Variants in SYT14 observed in about 807,000 individuals in gnomAD.
SYT14 encodes the protein synaptotagmin-14.
In SYT14, 32 loss-of-function variants were observed where a neutral mutation model predicts 74.2. That is an observed-to-expected ratio of 0.43 (90% CI 0.33 to 0.58). SYT14 has a LOEUF of 0.58. Ranked by LOEUF, SYT14 falls within the 20% of genes least tolerant of loss-of-function variation. SYT14 has a pLI of 0.05. For missense variants in SYT14, 791 were observed against 981.8 expected (o/e 0.81, Z 2.60); for synonymous variants, 298 against 337.7 (o/e 0.88, Z 1.29).
At chr1:210,081,671 A>G (rs1053840393) in intron 5 of SYT14, among the ~76,000 whole-genome samples, 3 of 152,166 alleles carry the variant, frequency 2.0e-5, no homozygotes, top group African/African-American at 7.2e-5. Context: ...AAAACATGAT[A>G]TGTCTGTGGT....
At chr1:210,102,532 C>T (rs888115580) in intron 7 of SYT14, among the ~76,000 whole-genome samples, 1 of 152,038 alleles carries the variant, frequency 6.6e-6, no homozygotes, top group Non-Finnish European at 1.5e-5. Context: ...TATTAATGTT[C>T]TCCCTGCTTA....
At position 209,995,611 on chromosome 1, in the gene SYT14, A is replaced by C. The variant is rs113424972; in HGVS notation, c.-485-18022A>C. On this transcript the variant is annotated intron_variant, in intron 2 of 9. Coordinates refer to ENST00000637265, the Ensembl canonical transcript of SYT14. Reference sequence around the variant, plus strand: ...ACTAACAATGAAACTCCGGACTTAAACTCAGCATTTGACCAATTGGACCTC... The same window carrying C: ...ACTAACAATGAAACTCCGGACTTAACCTCAGCATTTGACCAATTGGACCTC... 1.1e-3 allele frequency among the ~76,000 whole-genome samples: 163 copies of C among 152,256 alleles called. 1 individual carries two copies. The highest frequency in any genetic ancestry group is 3.6e-3 in the African/African-American group (151 of 41,556).
At chr1:210,127,348 C>T (rs912805598) in intron 7 of SYT14, among the ~76,000 whole-genome samples, 2 of 152,134 alleles carry the variant, frequency 1.3e-5, no homozygotes, top group African/African-American at 4.8e-5. Context: ...AGGACTTTGG[C>T]GGGGGAGGTG....
chr1:210,100,562 A>G (rs906705508), intron 7 of SYT14, 101 bp downstream of exon 6: 4 of 1,146,364 alleles, frequency 3.5e-6, no homozygotes, highest in Middle Eastern at 2.8e-4. Flanking sequence ...TTGTCAGTCT[A>G]TTTTTTTACA....
At chr1:210,028,082 T>C (rs962699966) in intron 5 of SYT14, among the ~76,000 whole-genome samples, 1 of 152,146 alleles carries the variant, frequency 6.6e-6, no homozygotes, top group Non-Finnish European at 1.5e-5. Context: ...TCCCAGCCTC[T>C]GATAACCAAT....
At chr1:209,949,877 TTGAC>T (rs1471879538) in intron 1 of SYT14, among the ~76,000 whole-genome samples, 3 of 152,208 alleles carry the variant, frequency 2.0e-5, no homozygotes, top group African/African-American at 7.2e-5. Flanking sequence ...TGGCAGCTAA[TTGAC>T]TGTAAATTTG....
exon 10 of SYT14, chr1:210,166,910 T>G (rs1375646008): frequency 6.6e-6 from 1 of 152,186 alleles, no homozygotes; most frequent in Non-Finnish European, 1.5e-5. Context: ...ATTCATCTTT[T>G]TCTTGTGCTT....
intron 7 of SYT14, among the ~76,000 whole-genome samples, chr1:210,109,595 G>GA (rs1457937495): frequency 1.3e-5 from 2 of 149,438 alleles, no homozygotes; most frequent in East Asian, 3.9e-4. Context: ...AAAAAAGAGA[G>GA]AAAAAACAAA....
At chr1:210,121,465 C>A (rs1164140172) in intron 7 of SYT14, among the ~76,000 whole-genome samples, 2 of 152,108 alleles carry the variant, frequency 1.3e-5, no homozygotes, top group Admixed American at 1.3e-4. Flanking sequence ...ATAATTCAAG[C>A]CTCAAATGTT....
chr1:209,973,447 T>C (rs927251071), intron 2 of SYT14, among the ~76,000 whole-genome samples: 14 of 151,882 alleles, frequency 9.2e-5, no homozygotes, highest in African/African-American at 3.4e-4. Context: ...CACCTATGAG[T>C]GAGAATATGT....
At chr1:209,940,652 G>A (rs1558081339) in intron 1 of SYT14, among the ~76,000 whole-genome samples, 1 of 152,124 alleles carries the variant, frequency 6.6e-6, no homozygotes, top group African/African-American at 2.4e-5. Flanking sequence ...ATTCAGTAAC[G>A]TCTGTCTACC....
chr1:210,153,783 A>C (rs1267397753), intron 7 of SYT14, among the ~76,000 whole-genome samples: 2 of 152,180 alleles, frequency 1.3e-5, no homozygotes, highest in Non-Finnish European at 2.9e-5. Flanking sequence ...TGGTATCTCC[A>C]CTACAGTGTT....
intron 2 of SYT14, among the ~76,000 whole-genome samples, chr1:210,011,941 TGAAA>T (rs907967025): frequency 7.9e-5 from 12 of 152,188 alleles, no homozygotes; most frequent in Non-Finnish European, 1.8e-4. Context: ...ATAAAAAAGT[TGAAA>T]GAGAGACTGC....
chr1:210,163,032 G>C, exon 10 of SYT14: 1 of 453,566 alleles, frequency 2.2e-6, no homozygotes, highest in Admixed American at 2.4e-5. Flanking sequence ...TTGAAGAGGG[G>C]ATGTAGATTT....
chr1:210,050,512 G>T (rs1265595978), intron 5 of SYT14, among the ~76,000 whole-genome samples: 1 of 152,090 alleles, frequency 6.6e-6, no homozygotes, highest in Non-Finnish European at 1.5e-5. Context: ...CCACATTTTT[G>T]GTTATCTTTT....
intron 7 of SYT14, among the ~76,000 whole-genome samples, chr1:210,152,896 T>G (rs2083194316): frequency 6.6e-6 from 1 of 152,190 alleles, no homozygotes; most frequent in South Asian, 2.1e-4. Flanking sequence ...TTTTTTTACT[T>G]TACATAAATG....
intron 2 of SYT14, among the ~76,000 whole-genome samples, chr1:209,956,169 A>G (rs910246450): frequency 6.6e-6 from 1 of 152,098 alleles, no homozygotes; most frequent in Non-Finnish European, 1.5e-5. Flanking sequence ...ATATTGAAGT[A>G]TACGTCTCCT....
At chr1:210,150,081 C>G (rs1057238735) in intron 7 of SYT14, among the ~76,000 whole-genome samples, 6 of 152,186 alleles carry the variant, frequency 3.9e-5, no homozygotes, top group African/African-American at 1.2e-4. Flanking sequence ...CTCATGGGCT[C>G]TAAGCAGCAA....
At chr1:209,963,035 T>G (rs1222216175) in intron 2 of SYT14, among the ~76,000 whole-genome samples, 1 of 152,154 alleles carries the variant, frequency 6.6e-6, no homozygotes, top group Non-Finnish European at 1.5e-5. Context: ...CATTATTCAG[T>G]TGAGTTATGG....
Sources: gnomAD v4.1 joint callset for allele counts (sites outside exome capture counted in the v4.1 genomes callset) on GRCh38, gnomAD v4.1.1 for gene constraint, MANE v1.5 for transcripts, NCBI Gene and HGNC (gene_info 2026-07-23, HGNC 2026-07-21) for gene names.